The following EXOC4 variants were observed in gnomAD, a reference collection of about 807,000 sequenced individuals.
The protein encoded by EXOC4 is SEC8-like 1.
EXOC4 carries 71 observed loss-of-function variants against 107.2 expected under a neutral mutation model. That is an observed-to-expected ratio of 0.66 (90% CI 0.55 to 0.81). The LOEUF is 0.81. EXOC4 is among the 30% of genes least tolerant of loss of function. EXOC4 has a pLI of 0.00. For missense variants in EXOC4, 1,108 were observed against 1,189.6 expected, an observed-to-expected ratio of 0.93 and a Z score of 1.01; for synonymous variants, 456 against 441.2, an observed-to-expected ratio of 1.03 and a Z score of -0.42.
At chr7:133,789,671 A>G (rs1361817274) in intron 10 of EXOC4, among the ~76,000 whole-genome samples, 1 of 152,186 alleles carries the variant, frequency 6.6e-6, no homozygotes, top group Non-Finnish European at 1.5e-5. Context: ...TACTGTTATA[A>G]TAATTGCAGG....
At chr7:133,776,128 T>C (rs117331210) in intron 10 of EXOC4, among the ~76,000 whole-genome samples, 1 of 152,282 alleles carries the variant, frequency 6.6e-6, no homozygotes, top group Non-Finnish European at 1.5e-5. Context: ...GTTGCAAGCA[T>C]GATTTTAAAG....
chr7:133,401,363 T>C (rs1417492471), intron 7 of EXOC4, among the ~76,000 whole-genome samples: 1 of 152,096 alleles, frequency 6.6e-6, no homozygotes, highest in East Asian at 1.9e-4. Flanking sequence ...ACAGTTTGTT[T>C]TATGTTCTTT....
intron 5 of EXOC4, among the ~76,000 whole-genome samples, chr7:133,338,011 CT>C (rs35115594): frequency 0.65 from 92,300 of 141,198 alleles, 31,996 homozygotes; most frequent in East Asian, 0.84. Flanking sequence ...GGTTTTCTTT[CT>C]TTTTTTTTTT....
At chr7:134,009,256 T>G (rs928566509) in intron 17 of EXOC4, among the ~76,000 whole-genome samples, 18 of 152,206 alleles carry the variant, frequency 1.2e-4, no homozygotes, top group Non-Finnish European at 2.4e-4. Flanking sequence ...CACTTGATTT[T>G]TTTGATTCTT....
chr7:133,870,439 A>T (rs1798727928), intron 11 of EXOC4, among the ~76,000 whole-genome samples: 2 of 152,252 alleles, frequency 1.3e-5, no homozygotes, highest in Middle Eastern at 3.4e-3. Context: ...TTGATATTTG[A>T]CTTTTTCTTC....
At chr7:133,278,617 T>C (rs1052230689) in intron 2 of EXOC4, among the ~76,000 whole-genome samples, 3 of 152,034 alleles carry the variant, frequency 2.0e-5, no homozygotes, top group Non-Finnish European at 4.4e-5. Flanking sequence ...AGGTGGTTGA[T>C]GAGGCTGAAG....
intron 10 of EXOC4, among the ~76,000 whole-genome samples, chr7:133,801,163 A>G (rs1227057390): frequency 6.6e-6 from 1 of 152,174 alleles, no homozygotes; most frequent in Non-Finnish European, 1.5e-5. Context: ...TCGGGAAACG[A>G]GCCATGTAGT....
At chr7:133,533,071 T>C (rs911959439) in intron 9 of EXOC4, among the ~76,000 whole-genome samples, 2 of 152,102 alleles carry the variant, frequency 1.3e-5, no homozygotes, top group African/African-American at 4.8e-5. Flanking sequence ...TTACAGAAGC[T>C]CTGAGCAATG....
At chr7:133,388,156 T>G (rs1660248107) in intron 7 of EXOC4, among the ~76,000 whole-genome samples, 1 of 152,196 alleles carries the variant, frequency 6.6e-6, no homozygotes, top group Non-Finnish European at 1.5e-5. Flanking sequence ...TGTTCAGAAA[T>G]TGAACCAGTA....
At chr7:133,564,203 C>G (rs896567504) in intron 9 of EXOC4, among the ~76,000 whole-genome samples, 3 of 152,140 alleles carry the variant, frequency 2.0e-5, no homozygotes, top group African/African-American at 7.2e-5. Context: ...GCAGCTTCTG[C>G]TTCTGGGAAG....
At chr7:133,946,128 T>A (rs562327018) in intron 14 of EXOC4, among the ~76,000 whole-genome samples, 1 of 152,368 alleles carries the variant, frequency 6.6e-6, no homozygotes, top group African/African-American at 2.4e-5. Flanking sequence ...TTAGTTTCTC[T>A]AATCACCTTT....
At chr7:133,980,611 T>C (rs1053910191) in intron 14 of EXOC4, among the ~76,000 whole-genome samples, 2 of 152,242 alleles carry the variant, frequency 1.3e-5, no homozygotes, top group African/African-American at 4.8e-5. Context: ...TCTTAGTTAA[T>C]AGGAGAATAC....
chr7:133,282,874 G>T (rs189879289), intron 2 of EXOC4, among the ~76,000 whole-genome samples: 136 of 152,218 alleles, frequency 8.9e-4, no homozygotes, highest in Admixed American at 1.2e-3. Flanking sequence ...TGGGTTTCTT[G>T]AACTTACTTC....
chr7:134,043,177 G>A (rs1270442903), intron 17 of EXOC4, among the ~76,000 whole-genome samples: 2 of 152,166 alleles, frequency 1.3e-5, no homozygotes, highest in African/African-American at 4.8e-5. Flanking sequence ...GGTACAGTGG[G>A]ATTGTGTGGC....
chr7:133,998,406 G>A (rs1257953199), intron 15 of EXOC4, among the ~76,000 whole-genome samples: 1 of 152,106 alleles, frequency 6.6e-6, no homozygotes, highest in Admixed American at 6.6e-5. Context: ...AAGATAAAAT[G>A]GTCAGAAGAA....
chr7:133,904,896 C>G (rs1248187608), intron 12 of EXOC4, among the ~76,000 whole-genome samples: 1 of 152,116 alleles, frequency 6.6e-6, no homozygotes, highest in African/African-American at 2.4e-5. Flanking sequence ...TATTGCCCTC[C>G]CCCAGATTGG....
chr7:133,527,664 A>G (rs149497252), intron 9 of EXOC4, among the ~76,000 whole-genome samples: 1 of 152,182 alleles, frequency 6.6e-6, no homozygotes, highest in Admixed American at 6.5e-5. Flanking sequence ...GTGTTTAATT[A>G]TAACAGTAGG....
chr7:133,865,093 T>C (rs1798608550), intron 11 of EXOC4, among the ~76,000 whole-genome samples: 1 of 152,198 alleles, frequency 6.6e-6, no homozygotes, highest in Admixed American at 6.5e-5. Flanking sequence ...AGATATTTAC[T>C]GTTTTATATT....
intron 14 of EXOC4, among the ~76,000 whole-genome samples, chr7:133,952,367 AG>A (rs1800712999): frequency 6.6e-6 from 1 of 152,136 alleles, no homozygotes; most frequent in Non-Finnish European, 1.5e-5. Flanking sequence ...CATCCTCCAC[AG>A]GGGTGACAAT....
Sources: allele counts gnomAD v4.1 joint callset (sites outside exome capture counted in the v4.1 genomes callset), GRCh38; gene constraint gnomAD v4.1.1; transcripts MANE v1.5; gene names NCBI Gene and HGNC (gene_info 2026-07-23, HGNC 2026-07-21).